SGCZ: variants seen among roughly 807,000 people sequenced by gnomAD.
The protein encoded by SGCZ is sarcoglycan zeta, also known as zeta-sarcoglycan.
In SGCZ, 40 loss-of-function variants were observed where a neutral mutation model predicts 41.3. That is an observed-to-expected ratio of 0.97 (90% CI 0.75 to 1.26). SGCZ has a LOEUF of 1.26. Ranked by LOEUF, SGCZ falls within the 50% of genes most tolerant of loss-of-function variation. SGCZ has a pLI of 0.00. For synonymous variants in SGCZ, 206 were observed against 137.5 expected (o/e 1.50, Z -3.49); for missense variants, 552 against 369.8 (o/e 1.49, Z -4.04).
intron 2 of SGCZ, among the ~76,000 whole-genome samples, chr8:14,516,846 AC>A (rs1802636747): frequency 6.6e-6 from 1 of 152,064 alleles, no homozygotes; most frequent in South Asian, 2.1e-4. Flanking sequence ...AATTGAGGGA[AC>A]TTTTTGTTGA....
chr8:14,104,538 G>A (rs1802142273), intron 6 of SGCZ, among the ~76,000 whole-genome samples: 1 of 151,954 alleles, frequency 6.6e-6, no homozygotes, highest in Non-Finnish European at 1.5e-5. Context: ...TAAATATTAA[G>A]CAGAACTTAA....
intron 1 of SGCZ, among the ~76,000 whole-genome samples, chr8:14,841,065 G>A (rs952488887): frequency 2.6e-5 from 4 of 151,660 alleles, no homozygotes; most frequent in Admixed American, 1.3e-4. Context: ...CAATAAAATG[G>A]AGAACCAAAT....
intron 2 of SGCZ, among the ~76,000 whole-genome samples, chr8:14,478,069 G>C (rs934586264): frequency 6.6e-6 from 1 of 152,174 alleles, no homozygotes; most frequent in Non-Finnish European, 1.5e-5. Context: ...GAGGATACTG[G>C]ACAATGTGCA....
chr8:14,126,178 T>A (rs1357357640), intron 5 of SGCZ, among the ~76,000 whole-genome samples: 2 of 152,238 alleles, frequency 1.3e-5, no homozygotes, highest in South Asian at 2.1e-4. Context: ...GAAACCATCA[T>A]CAGAGTGAAC....
At chr8:14,562,042 C>G (rs1350717943) in intron 1 of SGCZ, among the ~76,000 whole-genome samples, 1 of 152,028 alleles carries the variant, frequency 6.6e-6, no homozygotes, top group African/African-American at 2.4e-5. Flanking sequence ...CACTAATAAT[C>G]GAGCCCTAGA....
At chr8:14,559,133 A>C (rs1342988356) in intron 1 of SGCZ, among the ~76,000 whole-genome samples, 2 of 152,138 alleles carry the variant, frequency 1.3e-5, no homozygotes, top group African/African-American at 4.8e-5. Flanking sequence ...TAGTCAGAGC[A>C]ATCAGACAAG....
At chr8:14,297,462 A>C (rs983348978) in intron 3 of SGCZ, among the ~76,000 whole-genome samples, 1 of 152,006 alleles carries the variant, frequency 6.6e-6, no homozygotes, top group African/African-American at 2.4e-5. Context: ...TCAAAAACAG[A>C]AGTATCTTAT....
chr8:14,983,241 A>G (rs866414570), intron 1 of SGCZ, among the ~76,000 whole-genome samples: 95 of 148,988 alleles, frequency 6.4e-4, no homozygotes, highest in African/African-American at 2.4e-3. Context: ...GCTGGAGTGC[A>G]GTGGTGTAAT....
At chr8:14,973,647 C>T (rs1801371451) in intron 1 of SGCZ, among the ~76,000 whole-genome samples, 1 of 152,132 alleles carries the variant, frequency 6.6e-6, no homozygotes, top group Non-Finnish European at 1.5e-5. Flanking sequence ...CAATCAAAAG[C>T]TCAATGGTTT....
At chr8:14,661,483 T>G (rs1388181446) in intron 1 of SGCZ, among the ~76,000 whole-genome samples, 2 of 152,196 alleles carry the variant, frequency 1.3e-5, no homozygotes, top group Non-Finnish European at 2.9e-5. Flanking sequence ...ATCTACAATT[T>G]AGAAATCCTC....
intron 4 of SGCZ, among the ~76,000 whole-genome samples, chr8:14,215,262 T>A: frequency 6.6e-6 from 1 of 152,124 alleles, no homozygotes; most frequent in Admixed American, 6.5e-5. Flanking sequence ...TTCTAAACTA[T>A]CTATAGACAA....
intron 1 of SGCZ, among the ~76,000 whole-genome samples, chr8:14,672,365 C>A (rs919090313): frequency 2.6e-5 from 4 of 152,040 alleles, no homozygotes; most frequent in Non-Finnish European, 5.9e-5. Flanking sequence ...GTCAGATGTG[C>A]GATTTTAAGA....
intron 1 of SGCZ, among the ~76,000 whole-genome samples, chr8:14,852,287 A>G (rs1305828582): frequency 6.6e-6 from 1 of 152,184 alleles, no homozygotes; most frequent in African/African-American, 2.4e-5. Context: ...TGAAAGGTAG[A>G]AATAGTTCAT....
chr8:14,849,378 A>C (rs1199116455), intron 1 of SGCZ, among the ~76,000 whole-genome samples: 1 of 152,134 alleles, frequency 6.6e-6, no homozygotes, highest in Non-Finnish European at 1.5e-5. Context: ...ATGATTTCAC[A>C]CTAATTTTCA....
At chr8:14,385,851 C>G (rs1039248044) in intron 2 of SGCZ, among the ~76,000 whole-genome samples, 1 of 152,122 alleles carries the variant, frequency 6.6e-6, no homozygotes, top group Non-Finnish European at 1.5e-5. Flanking sequence ...GTTCTAGGAT[C>G]CTCCAGAATA....
intron 1 of SGCZ, among the ~76,000 whole-genome samples, chr8:14,591,240 T>G (rs1451094780): frequency 6.6e-6 from 1 of 151,968 alleles, no homozygotes; most frequent in Non-Finnish European, 1.5e-5. Flanking sequence ...TTTTAAAGAT[T>G]TGGATATTTC....
chr8:14,492,575 T>C (rs915198531), intron 2 of SGCZ, among the ~76,000 whole-genome samples: 3 of 152,112 alleles, frequency 2.0e-5, no homozygotes, highest in African/African-American at 7.2e-5. Context: ...AGTGAAAGCT[T>C]TTTTTTCCAC....
intron 2 of SGCZ, among the ~76,000 whole-genome samples, chr8:14,395,007 A>G (rs11992991): frequency 0.17 from 25,443 of 151,988 alleles, 4,998 homozygotes; most frequent in African/African-American, 0.48. Flanking sequence ...TGTTTCCTAA[A>G]TTGTAAAACT....
intron 5 of SGCZ, among the ~76,000 whole-genome samples, chr8:14,158,894 G>A (rs1205338464): frequency 2.6e-5 from 4 of 151,950 alleles, no homozygotes; most frequent in African/African-American, 2.4e-5. Flanking sequence ...TCAGCCTCTC[G>A]AGTAGCTGGG....
Sources: allele counts gnomAD v4.1 joint callset (sites outside exome capture counted in the v4.1 genomes callset), GRCh38; gene constraint gnomAD v4.1.1; transcripts MANE v1.5; gene names NCBI Gene and HGNC (gene_info 2026-07-23, HGNC 2026-07-21).